The following CSMD2 variants were observed in gnomAD, a reference collection of about 807,000 sequenced individuals.
CSMD2 encodes CUB and Sushi multiple domains 2.
A neutral mutation model predicts 398.5 loss-of-function variants in CSMD2; 130 were observed. That is an observed-to-expected ratio of 0.33 (90% CI 0.28 to 0.38). The LOEUF is 0.38. Among genes scored for constraint, CSMD2 ranks in the 10% least tolerant of loss-of-function variants. CSMD2 has a pLI of 1.00. For synonymous variants in CSMD2, 1,828 were observed against 1,908.5 expected (o/e 0.96, Z 1.10); for missense variants, 3,829 against 4,764.9 (o/e 0.80, Z 5.78).
In CSMD2 at chr1:34,076,928, A is replaced by AAAAAT. The variant is rs1232288848; in HGVS notation, c.404+12048_404+12049insATTTT. On this transcript the variant is annotated intron_variant, in intron 2 of 70. Transcript: ENST00000373381. Reference sequence around the variant, plus strand: ...GCAAAGCAAAAAAAAAAAAAAAAAAAATATATATATATATATATATATATA... The same window carrying AAAAAT: ...GCAAAGCAAAAAAAAAAAAAAAAAAAAAAATATATATATATATATATATATATATA... Among the ~76,000 whole-genome samples the AAAAAT allele has an allele frequency of 6.2e-3, 330 of 53,532 alleles. 7 individuals are homozygous for AAAAAT. The highest frequency in any genetic ancestry group is 0.012 in the Admixed American group (38 of 3,196). 35.1% of individuals were successfully genotyped at this position (53,532 alleles called of 152,430 possible).
chr1:33,641,748 G>A (rs1643120189), intron 29 of CSMD2, among the ~76,000 whole-genome samples: 1 of 152,120 alleles, frequency 6.6e-6, no homozygotes, highest in South Asian at 2.1e-4. Context: ...GAACCAGGTG[G>A]GCTTCCAACA....
chr1:33,664,575 G>A (rs972761405), intron 25 of CSMD2, among the ~76,000 whole-genome samples: 3 of 152,136 alleles, frequency 2.0e-5, no homozygotes, highest in African/African-American at 7.2e-5. Context: ...GCTGAGGTCA[G>A]GAGGTCAGGA....
At chr1:33,590,454 C>T (rs1212577065) in intron 44 of CSMD2, among the ~76,000 whole-genome samples, 1 of 151,656 alleles carries the variant, frequency 6.6e-6, no homozygotes, top group African/African-American at 2.4e-5. Flanking sequence ...TTACAAATTT[C>T]TGTTTAATGC....
At chr1:33,952,704 G>GCA (rs1057476607) in intron 3 of CSMD2, among the ~76,000 whole-genome samples, 1 of 134,338 alleles carries the variant, frequency 7.4e-6, no homozygotes, top group Admixed American at 6.9e-5. Flanking sequence ...ACACACACAT[G>GCA]CACACACACA....
intron 10 of CSMD2, among the ~76,000 whole-genome samples, chr1:33,806,989 C>T (rs954178558): frequency 6.6e-6 from 1 of 152,050 alleles, no homozygotes; most frequent in African/African-American, 2.4e-5. Flanking sequence ...AGATACAATC[C>T]ATAGATTCAA....
intron 1 of CSMD2, among the ~76,000 whole-genome samples, chr1:34,150,601 T>C (rs527757370): frequency 1.3e-5 from 2 of 152,218 alleles, no homozygotes; most frequent in Admixed American, 1.3e-4. Flanking sequence ...TCACTAAGCA[T>C]AGGGCCTGAG....
chr1:33,823,091 C>T (rs1658345881), intron 7 of CSMD2, among the ~76,000 whole-genome samples: 1 of 152,178 alleles, frequency 6.6e-6, no homozygotes, highest in African/African-American at 2.4e-5. Context: ...CGGGGCTGGA[C>T]TCAAGAGGCG....
chr1:33,852,771 C>T (rs539495485), intron 5 of CSMD2, among the ~76,000 whole-genome samples: 10 of 152,322 alleles, frequency 6.6e-5, no homozygotes, highest in Non-Finnish European at 1.0e-4. Flanking sequence ...AGAACAAATA[C>T]ATTTCATAGA....
intron 44 of CSMD2, 200 bp downstream of exon 44, chr1:33,600,665 T>C (rs1640152693): frequency 4.9e-6 from 3 of 608,292 alleles, no homozygotes; most frequent in Non-Finnish European, 8.6e-6. Flanking sequence ...GGAGGAAAAC[T>C]TGCATTTACA....
intron 28 of CSMD2, among the ~76,000 whole-genome samples, chr1:33,649,377 C>T (rs1643634579): frequency 6.6e-6 from 1 of 152,216 alleles, no homozygotes; most frequent in Non-Finnish European, 1.5e-5. Flanking sequence ...GGCACAGTGG[C>T]TCATGTCTGT....
chr1:33,847,899 G>A (rs991775264), intron 5 of CSMD2, among the ~76,000 whole-genome samples: 1 of 152,152 alleles, frequency 6.6e-6, no homozygotes, highest in Non-Finnish European at 1.5e-5. Context: ...CACAGTCCCT[G>A]GCAATAACAA....
At chr1:34,023,321 C>T (rs555958246) in intron 3 of CSMD2, among the ~76,000 whole-genome samples, 6 of 152,266 alleles carry the variant, frequency 3.9e-5, no homozygotes, top group African/African-American at 7.2e-5. Context: ...TTGAGTACTG[C>T]GAAAGTATGC....
chr1:33,778,465 C>T (rs1381364851), intron 12 of CSMD2, among the ~76,000 whole-genome samples: 1 of 152,098 alleles, frequency 6.6e-6, no homozygotes, highest in Non-Finnish European at 1.5e-5. Flanking sequence ...TCTGGTTGGG[C>T]ATTGGGCACA....
intron 1 of CSMD2, among the ~76,000 whole-genome samples, chr1:34,154,553 A>G (rs554833509): frequency 6.6e-6 from 1 of 152,354 alleles, no homozygotes; most frequent in South Asian, 2.1e-4. Context: ...TAATGCAATG[A>G]AGCAGTTAGA....
At chr1:33,812,103 T>C (rs12567612) in intron 9 of CSMD2, among the ~76,000 whole-genome samples, 17,530 of 152,218 alleles carry the variant, frequency 0.12, 1,210 homozygotes, top group East Asian at 0.27. Context: ...TCTCATTTCA[T>C]GCACTCATTC....
intron 5 of CSMD2, among the ~76,000 whole-genome samples, chr1:33,917,186 CGT>C (rs1385232627): frequency 6.6e-6 from 1 of 152,200 alleles, no homozygotes; most frequent in Non-Finnish European, 1.5e-5. Context: ...TAGCCAACGC[CGT>C]GACTCCTGCC....
chr1:33,577,244 A>T, intron 49 of CSMD2, 52 bp downstream of exon 49: 1 of 1,514,240 alleles, frequency 6.6e-7, no homozygotes, highest in Non-Finnish European at 8.9e-7. Flanking sequence ...CAAACCCAAG[A>T]TATGAGTTGG....
At chr1:33,825,088 C>T (rs1658633337) in intron 7 of CSMD2, among the ~76,000 whole-genome samples, 1 of 152,148 alleles carries the variant, frequency 6.6e-6, no homozygotes, top group African/African-American at 2.4e-5. Context: ...CCCTATTAAC[C>T]TTACAAACAC....
intron 1 of CSMD2, among the ~76,000 whole-genome samples, chr1:34,111,587 C>T (rs964587546): frequency 6.6e-6 from 1 of 152,188 alleles, no homozygotes; most frequent in Non-Finnish European, 1.5e-5. Flanking sequence ...TTCTGTTAAA[C>T]CTTCCAATAT....
Sources: allele counts gnomAD v4.1 joint callset (sites outside exome capture counted in the v4.1 genomes callset), GRCh38; gene constraint gnomAD v4.1.1; transcripts MANE v1.5; gene names NCBI Gene and HGNC (gene_info 2026-07-23, HGNC 2026-07-21).